The following RAE1 variants were observed in gnomAD, a reference collection of about 807,000 sequenced individuals.
RAE1 encodes ribonucleic acid export 1, also known as mRNA export factor RAE1.
Under a neutral mutation model 52.7 loss-of-function variants are expected in RAE1, and 13 were observed. The ratio of observed to expected loss-of-function variants is 0.25; its 90% CI spans 0.16 to 0.39. The LOEUF (loss-of-function observed/expected upper bound fraction) is 0.39. Among genes scored for constraint, RAE1 ranks in the 10% least tolerant of loss-of-function variants. The pLI is 1.00. For missense variants in RAE1, 262 were observed against 459.8 expected (o/e 0.57, Z 3.93); for synonymous variants, 164 against 153.1 (o/e 1.07, Z -0.52).
At chr20:57,355,915 T>C (rs762367685) in intron 3 of RAE1, among the ~76,000 whole-genome samples, 13 of 152,212 alleles carry the variant, frequency 8.5e-5, no homozygotes, top group Non-Finnish European at 1.8e-4. Context: ...AGGAAAGCTG[T>C]AGCTGCAAAA....
intron 3 of RAE1, among the ~76,000 whole-genome samples, chr20:57,355,029 GA>G (rs1568777662): frequency 6.6e-6 from 1 of 152,154 alleles, no homozygotes. Context: ...TGTGTTGCTC[GA>G]AATTTTCTAC....
intron 1 of RAE1, among the ~76,000 whole-genome samples, chr20:57,353,664 C>CA (rs1251621460): frequency 6.6e-6 from 1 of 152,256 alleles, no homozygotes; most frequent in Admixed American, 6.5e-5. Context: ...TCCTGCTGCG[C>CA]AGCTCAGGGT....
At chr20:57,369,428 A>G (rs920321751) in intron 8 of RAE1, among the ~76,000 whole-genome samples, 2 of 152,208 alleles carry the variant, frequency 1.3e-5, no homozygotes, top group African/African-American at 2.4e-5. Flanking sequence ...AATCTTCCCT[A>G]ATCAGGACAA....
chr20:57,351,259 C>T lies in RAE1; in HGVS notation c.-171C>T, dbSNP rs182174976. 8.2e-5 allele frequency: 81 copies of T among 985,460 alleles called. No homozygotes were observed. In the African/African-American group the frequency reaches 1.2e-3, roughly 14 times the overall value. 61.0% of individuals were successfully genotyped at this position (985,460 alleles called of 1,614,324 possible). A position where few individuals can be genotyped will look rare whatever the true frequency, so the allele number is the denominator to read the frequency against. Reference sequence around the variant, plus strand: ...GCTCCAGGGCGCACGCGCGTTGTTTCCGCGGTAGTCAGGGCAGTTTCTACC... The same window carrying T: ...GCTCCAGGGCGCACGCGCGTTGTTTTCGCGGTAGTCAGGGCAGTTTCTACC... On this transcript the variant is annotated 5_prime_UTR_variant, in exon 1 of 12. Transcript: ENST00000395841.
At chr20:57,369,164 C>T (rs900936689) in intron 8 of RAE1, among the ~76,000 whole-genome samples, 6 of 152,206 alleles carry the variant, frequency 3.9e-5, no homozygotes, top group African/African-American at 1.4e-4. Flanking sequence ...TTGATGTGCA[C>T]AGCGTCTTAC....
intron 5 of RAE1, among the ~76,000 whole-genome samples, chr20:57,366,500 C>T (rs890089806): frequency 6.6e-6 from 1 of 152,108 alleles, no homozygotes; most frequent in African/African-American, 2.4e-5. Flanking sequence ...TTACAACAGC[C>T]AGATCTCAGA....
intron 4 of RAE1, among the ~76,000 whole-genome samples, chr20:57,361,549 C>T (rs1011928541): frequency 2.6e-5 from 4 of 152,216 alleles, no homozygotes; most frequent in African/African-American, 9.6e-5. Flanking sequence ...ATTGAGCATA[C>T]GTGCATGCGT....
chr20:57,359,867 C>T (rs1204168831), intron 4 of RAE1: 1 of 152,202 alleles, frequency 6.6e-6, no homozygotes, highest in Non-Finnish European at 1.5e-5. Context: ...CCTTACAGTA[C>T]TGTGTCTATT....
chr20:57,358,920 G>T, intron 4 of RAE1: 2 of 1,360,588 alleles, frequency 1.5e-6, no homozygotes, highest in Non-Finnish European at 1.9e-6. Context: ...GTTTTTATTT[G>T]CATTGATGAA....
chr20:57,369,977 G>C, intron 8 of RAE1, among the ~76,000 whole-genome samples: 1 of 151,966 alleles, frequency 6.6e-6, no homozygotes, highest in Non-Finnish European at 1.5e-5. Context: ...CTCAGGAACC[G>C]TATGCAGAGT....
intron 2 of RAE1, 68 bp downstream of exon 2, chr20:57,354,196 A>C: frequency 7.3e-7 from 1 of 1,373,600 alleles, no homozygotes; most frequent in Non-Finnish European, 1.0e-6. Context: ...CAAGGACAGA[A>C]CCCGAGATGA....
chr20:57,370,121 C>T (rs758033873), intron 8 of RAE1, among the ~76,000 whole-genome samples: 3 of 152,188 alleles, frequency 2.0e-5, no homozygotes, highest in South Asian at 2.1e-4. Context: ...GTACTGCCCG[C>T]GTCCCTATTC....
intron 5 of RAE1, among the ~76,000 whole-genome samples, chr20:57,366,488 C>T (rs2066955776): frequency 6.6e-6 from 1 of 152,146 alleles, no homozygotes; most frequent in Non-Finnish European, 1.5e-5. Flanking sequence ...AGGTGCCATA[C>T]TTTACAACAG....
At chr20:57,363,725 A>G (rs2066918875) in intron 4 of RAE1, among the ~76,000 whole-genome samples, 1 of 152,224 alleles carries the variant, frequency 6.6e-6, no homozygotes, top group African/African-American at 2.4e-5. Context: ...GTAATAACAC[A>G]TAATAACATT....
intron 4 of RAE1, among the ~76,000 whole-genome samples, chr20:57,356,980 TCTC>T (rs1317753078): frequency 6.6e-6 from 1 of 152,160 alleles, no homozygotes; most frequent in African/African-American, 2.4e-5. Flanking sequence ...TCTCCTCCCT[TCTC>T]CTGCCATTGC....
At chr20:57,364,873 A>G (rs16980943) in intron 4 of RAE1, among the ~76,000 whole-genome samples, 3,755 of 152,334 alleles carry the variant, frequency 0.025, 165 homozygotes, top group African/African-American at 0.085. Flanking sequence ...TAGGGACCGA[A>G]TAAAAGTAAT....
At chr20:57,371,722 A>G (rs2067038347) in intron 8 of RAE1, 1 of 152,236 alleles carries the variant, frequency 6.6e-6, no homozygotes, top group Non-Finnish European at 1.5e-5. Context: ...CAAAAGAATC[A>G]AAATGGGTAT....
At chr20:57,357,451 A>G (rs1485553489) in intron 4 of RAE1, 2 of 152,236 alleles carry the variant, frequency 1.3e-5, no homozygotes, top group Non-Finnish European at 2.9e-5. Flanking sequence ...GATGCTGGAA[A>G]TTAGGACAAG....
chr20:57,375,098 G>T (rs1346775356), intron 11 of RAE1: 2 of 676,288 alleles, frequency 3.0e-6, no homozygotes, highest in Non-Finnish European at 5.4e-6. Flanking sequence ...CTTTATGAAG[G>T]GGGTGGCAGG....
Sources: gnomAD v4.1 joint callset for allele counts (sites outside exome capture counted in the v4.1 genomes callset) on GRCh38, gnomAD v4.1.1 for gene constraint, MANE v1.5 for transcripts, NCBI Gene and HGNC (gene_info 2026-07-23, HGNC 2026-07-21) for gene names.